Variants in CDYL2 observed in about 807,000 individuals in gnomAD.
The protein encoded by CDYL2 is chromodomain Y-like protein 2.
Under a neutral mutation model 49.4 loss-of-function variants are expected in CDYL2, and 23 were observed. The ratio of observed to expected loss-of-function variants is 0.47; its 90% CI spans 0.34 to 0.66. The LOEUF (loss-of-function observed/expected upper bound fraction) is 0.66, where lower values mean the gene tolerates loss of function less well. Ranked by LOEUF, CDYL2 falls within the 30% of genes least tolerant of loss-of-function variation. The pLI is 0.01. For synonymous variants in CDYL2, 360 were observed against 268.8 expected, an observed-to-expected ratio of 1.34 and a Z score of -3.32; for missense variants, 678 against 656.4, an observed-to-expected ratio of 1.03 and a Z score of -0.36.
chr16:80,755,701 G>C (rs990114011), intron 1 of CDYL2, among the ~76,000 whole-genome samples: 6 of 152,142 alleles, frequency 3.9e-5, no homozygotes, highest in African/African-American at 1.4e-4. Context: ...AAGAACATCT[G>C]ACAACACCAA....
chr16:80,777,748 T>C (rs185733327), intron 1 of CDYL2, among the ~76,000 whole-genome samples: 20 of 152,198 alleles, frequency 1.3e-4, no homozygotes, highest in African/African-American at 4.6e-4. Flanking sequence ...AACCAACTTA[T>C]TTCTTTCATA....
chr16:80,735,556 G>A (rs1019003073), intron 1 of CDYL2, among the ~76,000 whole-genome samples: 11 of 152,150 alleles, frequency 7.2e-5, no homozygotes, highest in African/African-American at 2.4e-4. Flanking sequence ...GATACTATAA[G>A]GCTCCAGTGA....
At chr16:80,791,946 C>T (rs895012230) in intron 1 of CDYL2, among the ~76,000 whole-genome samples, 3 of 152,120 alleles carry the variant, frequency 2.0e-5, no homozygotes, top group Non-Finnish European at 4.4e-5. Flanking sequence ...CAAGCAATGG[C>T]AGTTTTCTCC....
chr16:80,612,725 G>A lies in CDYL2; in HGVS notation c.1119C>T (p.Ala373=), dbSNP rs1451866192. ...GCGTCTGGAACCAGGCCTTCTCACT[G>A]GCCCACACGATGTCACAGAGGGGCA... ...SILPLCDIVW[A]SEKAWFQTPY... The change falls in exon 5 of 7, where the codon GCC becomes GCT. Residue 373 remains alanine (A), a synonymous_variant. Transcript: ENST00000570137. This position sits in a 1 kb window ranked among gnomAD's most constrained non-coding sequence, Gnocchi z 5.0. The A allele has an allele frequency of 3.7e-6, 6 of 1,613,680 alleles. No homozygotes were observed. In the South Asian group the frequency reaches 4.4e-5, roughly 12 times the overall value.
chr16:80,643,528 G>C (rs1908197745), intron 2 of CDYL2, among the ~76,000 whole-genome samples: 2 of 152,252 alleles, frequency 1.3e-5, no homozygotes, highest in African/African-American at 2.4e-5. Context: ...CGCCTTAGCA[G>C]AGGTTCTCCA....
intron 1 of CDYL2, among the ~76,000 whole-genome samples, chr16:80,786,548 C>T (rs1299997183): frequency 6.6e-6 from 1 of 152,198 alleles, no homozygotes; most frequent in African/African-American, 2.4e-5. Context: ...TTGTGGAAGA[C>T]AGTGTGGCAA....
intron 1 of CDYL2, among the ~76,000 whole-genome samples, chr16:80,754,026 C>A (rs2142566839): frequency 6.6e-6 from 1 of 152,248 alleles, no homozygotes; most frequent in East Asian, 1.9e-4. Flanking sequence ...GTACATAAGG[C>A]CCTATGCTGA....
chr16:80,721,563 CA>C (rs1169226143), intron 1 of CDYL2, among the ~76,000 whole-genome samples: 1 of 152,186 alleles, frequency 6.6e-6, no homozygotes, highest in South Asian at 2.1e-4. Flanking sequence ...TCATCCTTTG[CA>C]AAGCCAAGCT....
chr16:80,712,711 A>T (rs1357022640), intron 1 of CDYL2, among the ~76,000 whole-genome samples: 2 of 152,198 alleles, frequency 1.3e-5, no homozygotes, highest in Admixed American at 1.3e-4. Context: ...TACAGTGTAC[A>T]GCTCTGGGAT....
rs769293029 is a variant in CDYL2, at chr16:80,684,606, T to C, written c.548A>G (p.Asp183Gly). ...ACCCATATCTTGCTCTCCAACATGATCATTCAAATCCAAGCCAGGCTGATG... is the reference window on the plus strand; with the variant it reads ...ACCCATATCTTGCTCTCCAACATGACCATTCAAATCCAAGCCAGGCTGATG... ...GSHQPGLDLN[D>G]HVGEQDMGEC... Residue 183 changes from aspartate (D) to glycine (G), a missense_variant, in exon 2 of 7, where the codon GAT (aspartate) becomes GGT (glycine). Around this residue, in one of 3 missense-constraint regions of CDYL2, gnomAD observed 478 missense variants for 427.0 expected, o/e 1.12. Transcript: ENST00000570137. The C allele has an allele frequency of 1.2e-6, 2 of 1,614,174 alleles. No homozygotes were observed. Among genetic ancestry groups the C allele is most frequent in the Non-Finnish European group, 1.7e-6 (2 of 1,180,026 alleles).
At chr16:80,703,029 T>C (rs1185719033) in intron 1 of CDYL2, among the ~76,000 whole-genome samples, 3 of 152,150 alleles carry the variant, frequency 2.0e-5, no homozygotes, top group Non-Finnish European at 4.4e-5. Context: ...ATGTGGAATA[T>C]ATATACACAC....
chr16:80,763,462 A>G (rs1906608491), intron 1 of CDYL2, among the ~76,000 whole-genome samples: 1 of 151,858 alleles, frequency 6.6e-6, no homozygotes, highest in South Asian at 2.1e-4. Flanking sequence ...AAACAAAAAA[A>G]AAAGCCAGGC....
chr16:80,668,431 C>A (rs1297490325), intron 2 of CDYL2, among the ~76,000 whole-genome samples: 1 of 138,496 alleles, frequency 7.2e-6, no homozygotes, highest in Non-Finnish European at 1.6e-5. Flanking sequence ...ACTCAACAAA[C>A]AAATATTTAA....
intron 2 of CDYL2, among the ~76,000 whole-genome samples, chr16:80,646,778 ACT>A (rs1364225513): frequency 2.6e-5 from 4 of 152,050 alleles, no homozygotes; most frequent in African/African-American, 9.7e-5. Context: ...ACAGAGTGAG[ACT>A]CTGTCTCAAA....
chr16:80,778,916 G>A (rs959718841), intron 1 of CDYL2, among the ~76,000 whole-genome samples: 6 of 152,098 alleles, frequency 3.9e-5, no homozygotes, highest in Middle Eastern at 3.4e-3. Flanking sequence ...GGACTGAAAC[G>A]AAAGATCAAC....
chr16:80,760,654 G>T (rs540370497), intron 1 of CDYL2, among the ~76,000 whole-genome samples: 29 of 152,094 alleles, frequency 1.9e-4, no homozygotes, highest in African/African-American at 7.0e-4. Context: ...AAGAAAAACA[G>T]TGTCAAAATC....
At chr16:80,625,278 G>C (rs1047632216) in intron 3 of CDYL2, among the ~76,000 whole-genome samples, 6 of 152,140 alleles carry the variant, frequency 3.9e-5, no homozygotes, top group Non-Finnish European at 7.4e-5. Flanking sequence ...CACATTCCTT[G>C]GTTCCTGGCC....
At chr16:80,687,752 T>A (rs1027249655) in intron 1 of CDYL2, among the ~76,000 whole-genome samples, 1 of 152,198 alleles carries the variant, frequency 6.6e-6, no homozygotes, top group African/African-American at 2.4e-5. Flanking sequence ...TATCATGTGT[T>A]CTTGAGCAAG....
Position 80,621,075 on chromosome 16 carries a change from C to T in CDYL2, c.835-140G>A. The stretch of plus-strand genomic sequence containing the variant: ...TGCTTCTGCCTGTGCAGGGAGCCTC[C>T]CCTGAGTACAAGCAAGAGTCCAGAG... On this transcript the variant is annotated intron_variant, in intron 3 of 6. Transcript: ENST00000570137. The T allele has an allele frequency of 4.4e-6, 4 of 915,822 alleles. No individual in the cohort carries two copies. The South Asian group carries it at 8.3e-5, about 19-fold the overall frequency. 56.7% of individuals were successfully genotyped at this position (915,822 alleles called of 1,614,324 possible).
Sources: allele counts gnomAD v4.1 joint callset (sites outside exome capture counted in the v4.1 genomes callset), GRCh38; gene constraint gnomAD v4.1.1; regional missense constraint gnomAD v4.1.1; non-coding constraint Gnocchi (gnomAD v3.1); transcripts MANE v1.5; gene names NCBI Gene and HGNC (gene_info 2026-07-23, HGNC 2026-07-21).